The following NEK10 variants were observed in gnomAD, a reference collection of about 807,000 sequenced individuals.
NEK10 encodes NIMA related kinase 10.
A neutral mutation model predicts 159.8 loss-of-function variants in NEK10; 122 were observed. That is an observed-to-expected ratio of 0.76 (90% CI 0.66 to 0.89). The LOEUF (loss-of-function observed/expected upper bound fraction) is 0.89, where lower values mean the gene tolerates loss of function less well. Ranked by LOEUF, NEK10 falls within the 40% of genes least tolerant of loss-of-function variation. The probability of loss-of-function intolerance (pLI) is 0.00; values close to 1 mark genes in which losing one functional copy is unlikely to be tolerated. For synonymous variants in NEK10, 466 were observed against 457.1 expected (o/e 1.02, Z -0.25); for missense variants, 1,342 against 1,323.1 (o/e 1.01, Z -0.22).
chr3:27,331,262 A>AAAAAAAAAAAAAAAAAAAAAAAACAC, intron 5 of NEK10, among the ~76,000 whole-genome samples: 5 of 110,072 alleles, frequency 4.5e-5, no homozygotes, highest in Non-Finnish European at 3.9e-5. Flanking sequence ...AAAAAAAAAA[A>AAAAAAAAAAAAAAAAAAAAAAAACAC]ACACACAAAC....
intron 30 of NEK10, among the ~76,000 whole-genome samples, chr3:27,143,669 G>A (rs184621734): frequency 9.2e-5 from 14 of 151,944 alleles, no homozygotes; most frequent in Non-Finnish European, 1.8e-4. Context: ...ATTTAATTAC[G>A]CATGCCCCTA....
chr3:27,221,416 C>T (rs1952087813), intron 23 of NEK10, among the ~76,000 whole-genome samples: 1 of 152,162 alleles, frequency 6.6e-6, no homozygotes, highest in South Asian at 2.1e-4. Context: ...CCATGTCATA[C>T]CCACTAGTGT....
chr3:27,222,016 G>T (rs550433181), intron 23 of NEK10, among the ~76,000 whole-genome samples: 20 of 152,276 alleles, frequency 1.3e-4, no homozygotes, highest in South Asian at 6.2e-4. Flanking sequence ...GTTACCTCTG[G>T]GTAGGAAGGG....
chr3:27,169,904 T>C (rs1234009801), intron 29 of NEK10, among the ~76,000 whole-genome samples: 2 of 152,142 alleles, frequency 1.3e-5, no homozygotes, highest in Non-Finnish European at 2.9e-5. Flanking sequence ...TCTCTCAGGA[T>C]TTTGAATCCT....
intron 26 of NEK10, among the ~76,000 whole-genome samples, chr3:27,184,904 T>C (rs944866319): frequency 6.6e-6 from 1 of 152,158 alleles, no homozygotes; most frequent in Admixed American, 6.5e-5. Flanking sequence ...GTAAATGACA[T>C]ATGGTATAAT....
intron 23 of NEK10, chr3:27,252,288 CCT>C: frequency 2.1e-6 from 1 of 473,594 alleles, no homozygotes; most frequent in Non-Finnish European, 4.2e-6. Context: ...TCAGGGAAAT[CCT>C]CTCTACATAA....
At chr3:27,342,157 T>C (rs1298224930) in intron 5 of NEK10, among the ~76,000 whole-genome samples, 1 of 152,148 alleles carries the variant, frequency 6.6e-6, no homozygotes, top group African/African-American at 2.4e-5. Context: ...ACTTCCTCCC[T>C]TCCTTGCACA....
intron 6 of NEK10, among the ~76,000 whole-genome samples, chr3:27,314,547 A>G (rs2044998091): frequency 1.3e-5 from 2 of 152,192 alleles, no homozygotes; most frequent in South Asian, 4.1e-4. Context: ...GTTGAGATCA[A>G]GAGAATAAAT....
intron 5 of NEK10, among the ~76,000 whole-genome samples, chr3:27,343,483 G>C (rs563533511): frequency 2.9e-4 from 44 of 152,250 alleles, no homozygotes; most frequent in African/African-American, 9.9e-4. Flanking sequence ...TCACAACAAA[G>C]TGACAAGGAA....
intron 11 of NEK10, among the ~76,000 whole-genome samples, chr3:27,307,575 G>T (rs2044338846): frequency 6.6e-6 from 1 of 152,018 alleles, no homozygotes; most frequent in Non-Finnish European, 1.5e-5. Context: ...TCCCTAAAAA[G>T]GCAGGATATA....
chr3:27,215,749 A>C, intron 23 of NEK10: 1 of 712,962 alleles, frequency 1.4e-6, no homozygotes. Context: ...CAGGCTGTAC[A>C]GGAACCATGA....
intron 25 of NEK10, among the ~76,000 whole-genome samples, chr3:27,196,942 A>C (rs1405272124): frequency 6.6e-6 from 1 of 152,176 alleles, no homozygotes; most frequent in Non-Finnish European, 1.5e-5. Context: ...TTGTGGAATC[A>C]AATGATTTAA....
chr3:27,159,971 C>T (rs1945856555), intron 30 of NEK10, among the ~76,000 whole-genome samples: 1 of 150,760 alleles, frequency 6.6e-6, no homozygotes, highest in Non-Finnish European at 1.5e-5. Context: ...CAAAATTCTC[C>T]CCTTTCTGCT....
intron 23 of NEK10, chr3:27,215,989 C>T (rs776262858): frequency 1.3e-5 from 6 of 474,100 alleles, no homozygotes; most frequent in Admixed American, 7.4e-5. Context: ...CTCTAACATA[C>T]GGGATTAAAA....
At chr3:27,252,811 T>C (rs1955798248) in intron 23 of NEK10, 1 of 457,964 alleles carries the variant, frequency 2.2e-6, no homozygotes, top group Non-Finnish European at 4.4e-6. Flanking sequence ...CTAGGAATTG[T>C]TAAAGTTTGG....
intron 23 of NEK10, among the ~76,000 whole-genome samples, chr3:27,243,768 C>T (rs994108359): frequency 1.3e-5 from 2 of 151,934 alleles, no homozygotes; most frequent in African/African-American, 4.8e-5. Context: ...ATCCTGGAGA[C>T]TCATTACAAG....
intron 22 of NEK10, among the ~76,000 whole-genome samples, chr3:27,273,061 T>G (rs952678609): frequency 2.0e-5 from 3 of 152,062 alleles, no homozygotes; most frequent in African/African-American, 7.2e-5. Flanking sequence ...AGACATTATC[T>G]AGGTAAGAGG....
rs934403821 is a variant in NEK10, at chr3:27,290,845, C to A, written c.1606-91G>T. 4 of 940,798 alleles carry A rather than the reference C, an allele frequency of 4.3e-6. No individual in the cohort carries two copies. The African/African-American group carries it at 5.0e-5, about 12-fold the overall frequency. 58.3% of individuals were successfully genotyped at this position (940,798 alleles called of 1,614,324 possible). On this transcript the variant is annotated intron_variant, in intron 18 of 35. Coordinates refer to ENST00000691995, the MANE Select transcript of NEK10 (RefSeq NM_001394966.1). ...GAAGAAAGAGATAGACTAACAAAGT[C>A]ACATGAGTAACTAAGTCATATAAAT...
chr3:27,143,303 T>C (rs1322860716), intron 30 of NEK10: 5 of 483,228 alleles, frequency 1.0e-5, no homozygotes, highest in Non-Finnish European at 1.8e-5. Flanking sequence ...ATCATTTTTA[T>C]ACTATGTTTC....
Sources: allele counts gnomAD v4.1 joint callset (sites outside exome capture counted in the v4.1 genomes callset), GRCh38; gene constraint gnomAD v4.1.1; transcripts MANE v1.5; gene names NCBI Gene and HGNC (gene_info 2026-07-23, HGNC 2026-07-21).